Variants in NHEJ1 observed in about 807,000 individuals in gnomAD.
The protein encoded by NHEJ1 is non-homologous end-joining factor 1.
Under a neutral mutation model 39.4 loss-of-function variants are expected in NHEJ1, and 22 were observed. That is an observed-to-expected ratio of 0.56 (90% CI 0.40 to 0.80). The LOEUF (loss-of-function observed/expected upper bound fraction) is 0.80, where lower values mean the gene tolerates loss of function less well. Ranked by LOEUF, NHEJ1 falls within the 30% of genes least tolerant of loss-of-function variation. The pLI is 0.00. For synonymous variants in NHEJ1, 154 were observed against 135.6 expected (o/e 1.14, Z -0.94); for missense variants, 329 against 357.1 (o/e 0.92, Z 0.63).
At chr2:219,086,292 C>A (rs1287607750) in intron 5 of NHEJ1, among the ~76,000 whole-genome samples, 1 of 152,184 alleles carries the variant, frequency 6.6e-6, no homozygotes, top group Non-Finnish European at 1.5e-5. Flanking sequence ...GATTAAGTAA[C>A]TTGACTAAGG....
At chr2:219,092,310 T>C (rs2106328252) in intron 5 of NHEJ1, among the ~76,000 whole-genome samples, 1 of 150,876 alleles carries the variant, frequency 6.6e-6, no homozygotes, top group East Asian at 1.9e-4. Flanking sequence ...AAAAAAAAAT[T>C]ATAGGATTAC....
intron 5 of NHEJ1, among the ~76,000 whole-genome samples, chr2:219,125,914 C>T (rs1244952533): frequency 6.6e-6 from 1 of 152,220 alleles, no homozygotes; most frequent in Non-Finnish European, 1.5e-5. Flanking sequence ...CAAGTATCCC[C>T]CCAGTTCTGC....
At chr2:219,088,398 C>T (rs1204221129) in intron 5 of NHEJ1, among the ~76,000 whole-genome samples, 1 of 151,940 alleles carries the variant, frequency 6.6e-6, no homozygotes, top group Non-Finnish European at 1.5e-5. Flanking sequence ...GAGGCCGAGG[C>T]AGGAGGATTG....
At chr2:219,092,629 T>C (rs1342702104) in intron 5 of NHEJ1, among the ~76,000 whole-genome samples, 1 of 152,228 alleles carries the variant, frequency 6.6e-6, no homozygotes, top group Non-Finnish European at 1.5e-5. Flanking sequence ...GATGCAACTT[T>C]CCCTCTCATT....
intron 5 of NHEJ1, among the ~76,000 whole-genome samples, chr2:219,123,674 A>G (rs1231388009): frequency 1.3e-5 from 2 of 152,136 alleles, no homozygotes; most frequent in Non-Finnish European, 1.5e-5. Context: ...GACAGACTAC[A>G]TTTAAAACTA....
At chr2:219,101,468 T>C (rs998197900) in intron 5 of NHEJ1, among the ~76,000 whole-genome samples, 3 of 151,916 alleles carry the variant, frequency 2.0e-5, no homozygotes, top group Non-Finnish European at 4.4e-5. Context: ...TGAAATGCAG[T>C]GGTGGGATCA....
At chr2:219,133,015 T>C (rs1302238701) in intron 5 of NHEJ1, among the ~76,000 whole-genome samples, 2 of 152,172 alleles carry the variant, frequency 1.3e-5, no homozygotes, top group Non-Finnish European at 2.9e-5. Context: ...AACTTCTAAA[T>C]AGAAAAACAA....
chr2:219,086,507 CAAGAGGCTGA>C (rs1455897266), intron 5 of NHEJ1, among the ~76,000 whole-genome samples: 3 of 152,260 alleles, frequency 2.0e-5, no homozygotes, highest in African/African-American at 7.2e-5. Flanking sequence ...CCAAAGAGCT[CAAGAGGCTGA>C]AAGAGGGAAA....
chr2:219,129,943 T>TC (rs376544749), intron 5 of NHEJ1, among the ~76,000 whole-genome samples: 158 of 150,728 alleles, frequency 1.0e-3, no homozygotes, highest in African/African-American at 3.6e-3. Context: ...TTTTCCCTTT[T>TC]CCCCAAACAG....
intron 5 of NHEJ1, among the ~76,000 whole-genome samples, chr2:219,100,613 A>G (rs1035877812): frequency 1.3e-5 from 2 of 151,590 alleles, no homozygotes; most frequent in African/African-American, 2.4e-5. Context: ...TGTCTTTAAA[A>G]AAAAAAAAAA....
intron 5 of NHEJ1, among the ~76,000 whole-genome samples, chr2:219,098,308 G>A (rs1432559589): frequency 6.6e-6 from 1 of 152,154 alleles, no homozygotes; most frequent in African/African-American, 2.4e-5. Context: ...AAACTGGGGT[G>A]TCAGAAGGAT....
intron 5 of NHEJ1, among the ~76,000 whole-genome samples, chr2:219,099,038 G>C (rs1949233061): frequency 2.0e-5 from 3 of 152,136 alleles, no homozygotes; most frequent in African/African-American, 7.2e-5. Flanking sequence ...AAGGTCAATG[G>C]GCTGGAGCTC....
At chr2:219,137,690 C>G (rs1186780808) in intron 5 of NHEJ1, among the ~76,000 whole-genome samples, 3 of 150,656 alleles carry the variant, frequency 2.0e-5, no homozygotes, top group Non-Finnish European at 4.4e-5. Context: ...ATCTTGCTAA[C>G]TTTATTTTCT....
intron 5 of NHEJ1, among the ~76,000 whole-genome samples, chr2:219,120,658 G>A (rs1253496826): frequency 6.6e-6 from 1 of 152,072 alleles, no homozygotes; most frequent in Non-Finnish European, 1.5e-5. Flanking sequence ...TCAATACCTA[G>A]GATTGCTAGC....
chr2:219,084,647 A>G (rs906364513), intron 5 of NHEJ1, among the ~76,000 whole-genome samples: 2 of 152,198 alleles, frequency 1.3e-5, no homozygotes, highest in African/African-American at 4.8e-5. Context: ...CAGAAAAATG[A>G]GGAGACCAAC....
At position 219,158,252 on chromosome 2, in the gene NHEJ1, C is replaced by A; in HGVS notation, c.111G>T (p.Leu37Phe). 1 of 1,614,198 alleles carries A rather than the reference C, an allele frequency of 6.2e-7. No homozygotes were observed. The highest frequency in any genetic ancestry group is 8.5e-7 in the Non-Finnish European group (1 of 1,180,034). The change falls in exon 2 of 8, where the codon TTG becomes TTT. Residue 37 changes from leucine to phenylalanine, a missense_variant. Transcript: ENST00000356853. Reference protein sequence around the residue: ...VFITKQGYALLVSDLQQVWHE... With the variant: ...VFITKQGYALFVSDLQQVWHE... ...GCCACACCTGTTGAAGATCTGAAAC[C>A]AACAAGGCATAGCCCTGCTTGGTGA... is the stretch of plus-strand genomic sequence containing the variant.
At position 219,087,144 on chromosome 2, in the gene NHEJ1, G is replaced by A. The variant is rs137860665; in HGVS notation, c.589-8938C>T. On this transcript the variant is annotated intron_variant, in intron 5 of 7. Coordinates refer to ENST00000356853, the MANE Select transcript of NHEJ1 (RefSeq NM_024782.3). ...AGCTCTGGCTCAGGGAAGGGGCTCCGACCAGCCTAGCAGGGGAACAAGCAG... is the reference window on the plus strand; with the variant it reads ...AGCTCTGGCTCAGGGAAGGGGCTCCAACCAGCCTAGCAGGGGAACAAGCAG... 2.9e-3 allele frequency among the ~76,000 whole-genome samples: 447 copies of A among 152,256 alleles called. 3 individuals are homozygous for A. Among genetic ancestry groups the A allele is most frequent in the African/African-American group, 0.01 (426 of 41,548 alleles).
In NHEJ1 at chr2:219,137,586, A is replaced by AAC. The variant is rs1287908403; in HGVS notation, c.588+9093_588+9094insGT. Among the ~76,000 whole-genome samples, 45 of 138,812 alleles carry AAC rather than the reference A, an allele frequency of 3.2e-4. 1 individual carries two copies. The highest frequency in any genetic ancestry group is 2.1e-3 in the Admixed American group (29 of 13,618). The allele number at this position is 138,812 out of a possible 152,430, so 91.1% of individuals were successfully genotyped here. A position where few individuals can be genotyped will look rare whatever the true frequency, so the allele number is the denominator to read the frequency against. ...TGTTACAGGCAAAAAAAAAAAAAAA[A>AAC]AAAAAACAAAAAAAACTGAAAACCA... is the stretch of plus-strand genomic sequence containing the variant. On this transcript the variant is annotated intron_variant, in intron 5 of 7. Coordinates refer to ENST00000356853, the MANE Select transcript of NHEJ1 (RefSeq NM_024782.3).
intron 5 of NHEJ1, among the ~76,000 whole-genome samples, chr2:219,110,624 T>TG (rs1949357376): frequency 1.3e-5 from 1 of 76,184 alleles, no homozygotes; most frequent in Non-Finnish European, 2.6e-5. Context: ...GGGGTGGGGG[T>TG]GGAGGTGGGG....
Sources: allele counts gnomAD v4.1 joint callset (sites outside exome capture counted in the v4.1 genomes callset), GRCh38; gene constraint gnomAD v4.1.1; transcripts MANE v1.5; gene names NCBI Gene and HGNC (gene_info 2026-07-23, HGNC 2026-07-21).